MCPH1: variants seen among roughly 807,000 people sequenced by gnomAD.
The protein encoded by MCPH1 is microcephalin 1.
In MCPH1, 104 loss-of-function variants were observed where a neutral mutation model predicts 84.5. The ratio of observed to expected loss-of-function variants is 1.23; its 90% CI spans 1.05 to 1.45. MCPH1 has a LOEUF of 1.45. Ranked by LOEUF, MCPH1 falls within the 40% of genes most tolerant of loss-of-function variation. The pLI is 0.00. For missense variants in MCPH1, 1,498 were observed against 1,005.7 expected, an observed-to-expected ratio of 1.49 and a Z score of -6.62; for synonymous variants, 514 against 366.8, an observed-to-expected ratio of 1.40 and a Z score of -4.58.
chr8:6,584,246 G>T (rs184973865), intron 12 of MCPH1, among the ~76,000 whole-genome samples: 1 of 152,176 alleles, frequency 6.6e-6, no homozygotes, highest in Non-Finnish European at 1.5e-5. Context: ...GAAGGAAACC[G>T]TAAGTTCATC....
intron 4 of MCPH1, among the ~76,000 whole-genome samples, chr8:6,432,740 C>G (rs201084868): frequency 6.6e-6 from 1 of 152,198 alleles, no homozygotes; most frequent in Non-Finnish European, 1.5e-5. Context: ...TCATCTCAGA[C>G]AAGCCATAGT....
At chr8:6,519,276 A>T (rs1316745033) in intron 12 of MCPH1, among the ~76,000 whole-genome samples, 2 of 152,104 alleles carry the variant, frequency 1.3e-5, no homozygotes, top group Admixed American at 1.3e-4. Flanking sequence ...CGATGCTAAG[A>T]CACCACCGGT....
At position 6,541,966 on chromosome 8, in the gene MCPH1, C is replaced by T. The variant is rs551838084; in HGVS notation, c.2214+42037C>T. ...GAGGCTGCAGTGAGCCGTGATCGTG[C>T]CACTGCACTCCAGCCTGGGTGACAG... is the stretch of plus-strand genomic sequence containing the variant. On this transcript the variant is annotated intron_variant, in intron 12 of 13. Coordinates refer to ENST00000344683, the MANE Select transcript of MCPH1 (RefSeq NM_024596.5). 4.6e-5 allele frequency among the ~76,000 whole-genome samples: 7 copies of T among 151,098 alleles called. No homozygotes were observed. In the South Asian group the frequency reaches 1.5e-3, roughly 32 times the overall value.
chr8:6,417,281 G>C (rs1267132066), intron 3 of MCPH1, among the ~76,000 whole-genome samples: 2 of 152,188 alleles, frequency 1.3e-5, no homozygotes, highest in Admixed American at 1.3e-4. Flanking sequence ...TAAAGGGACA[G>C]ATAGTCAATA....
rs374809123 is a variant in MCPH1 at position 6,580,331 on chromosome 8, C to G, written c.2215-41123C>G. Among the ~76,000 whole-genome samples, 65 of 152,264 alleles carry G rather than the reference C, an allele frequency of 4.3e-4. No individual in the cohort carries two copies. The South Asian group carries it at 0.011, about 25-fold the overall frequency. ...GATGCTCACAATTCCCTGATACAGC[C>G]GGTTGCCCTTTGTTGTGTTAAACTG... On this transcript the variant is annotated intron_variant, in intron 12 of 13. Transcript: ENST00000344683.
chr8:6,559,855 A>C (rs1333356497), intron 12 of MCPH1, among the ~76,000 whole-genome samples: 1 of 152,218 alleles, frequency 6.6e-6, no homozygotes, highest in Non-Finnish European at 1.5e-5. Flanking sequence ...TGTGCTAGCG[A>C]TCATGAGTTT....
In MCPH1 at chr8:6,645,466, C is replaced by T. The variant is rs993359943; in HGVS notation, c.*2417C>T. 1 of 152,080 alleles carries T rather than the reference C, an allele frequency of 6.6e-6. No homozygotes were observed. Among genetic ancestry groups the T allele is most frequent in the Non-Finnish European group, 1.5e-5 (1 of 68,022 alleles). 9.4% of individuals were successfully genotyped at this position (152,080 alleles called of 1,614,324 possible). A position where few individuals can be genotyped will look rare whatever the true frequency, so the allele number is the denominator to read the frequency against. ...TTGTAAAGGCTTATGGCTCTCACCACTGTTATTCAACGTTGCATTAAAGTT... is the reference window on the plus strand; with the variant it reads ...TTGTAAAGGCTTATGGCTCTCACCATTGTTATTCAACGTTGCATTAAAGTT... On this transcript the variant is annotated 3_prime_UTR_variant, in exon 14 of 14. Transcript: ENST00000344683.
intron 12 of MCPH1, among the ~76,000 whole-genome samples, chr8:6,517,860 G>C (rs2442625): frequency 0.061 from 9,227 of 152,258 alleles, 312 homozygotes; most frequent in African/African-American, 0.079. Flanking sequence ...CTTAAGTCTG[G>C]AAGGGAATTT....
At chr8:6,568,954 A>G (rs913263919) in intron 12 of MCPH1, among the ~76,000 whole-genome samples, 31 of 152,126 alleles carry the variant, frequency 2.0e-4, no homozygotes, top group East Asian at 3.9e-4. Context: ...CTGGGACACT[A>G]TGTTTTGATT....
intron 11 of MCPH1, among the ~76,000 whole-genome samples, chr8:6,486,877 A>G (rs1809992000): frequency 6.6e-6 from 1 of 152,200 alleles, no homozygotes; most frequent in Non-Finnish European, 1.5e-5. Context: ...TGAACCTTTA[A>G]ATACTCTTTA....
chr8:6,530,637 T>A (rs1819316026), intron 12 of MCPH1, among the ~76,000 whole-genome samples: 1 of 152,198 alleles, frequency 6.6e-6, no homozygotes, highest in Non-Finnish European at 1.5e-5. Flanking sequence ...CTTCCTAAGA[T>A]TTAAATTTTT....
At chr8:6,453,872 A>T (rs1466099430) in intron 8 of MCPH1, among the ~76,000 whole-genome samples, 1 of 152,126 alleles carries the variant, frequency 6.6e-6, no homozygotes, top group African/African-American at 2.4e-5. Flanking sequence ...TGGATTCAGT[A>T]TTAGGGATTA....
At chr8:6,419,130 C>T (rs982464754) in intron 3 of MCPH1, among the ~76,000 whole-genome samples, 1 of 15,608 alleles carries the variant, frequency 6.4e-5, no homozygotes, top group Non-Finnish European at 3.2e-4. Flanking sequence ...TATACACATA[C>T]ACACACACAC....
intron 12 of MCPH1, among the ~76,000 whole-genome samples, chr8:6,572,405 C>G (rs879939071): frequency 1.3e-5 from 2 of 152,158 alleles, no homozygotes; most frequent in Non-Finnish European, 2.9e-5. Flanking sequence ...CTCACTAGCT[C>G]CCTCTGCTGA....
At chr8:6,465,939 CCATCCATG>C (rs758481880) in intron 9 of MCPH1, among the ~76,000 whole-genome samples, 1,177 of 113,534 alleles carry the variant, frequency 0.01, 16 homozygotes, top group African/African-American at 0.033. Flanking sequence ...ATCCATCCAT[CCATCCATG>C]CATCCATCCA....
chr8:6,479,537 C>T (rs1053053481), intron 10 of MCPH1, among the ~76,000 whole-genome samples: 1 of 151,904 alleles, frequency 6.6e-6, no homozygotes, highest in African/African-American at 2.4e-5. Flanking sequence ...CGGGTTCACG[C>T]CATTCTCCTG....
intron 13 of MCPH1, chr8:6,627,291 G>A (rs1376249173): frequency 7.1e-6 from 7 of 985,446 alleles, no homozygotes; most frequent in South Asian, 4.7e-5. Flanking sequence ...GTCGCAGAGA[G>A]GGGAGGCCAT....
intron 2 of MCPH1, among the ~76,000 whole-genome samples, chr8:6,413,500 A>C (rs577843249): frequency 6.6e-6 from 1 of 151,388 alleles, no homozygotes; most frequent in East Asian, 1.9e-4. Flanking sequence ...CATTTTGTGT[A>C]TTCCTGTATT....
chr8:6,475,721 G>T (rs947741848), intron 9 of MCPH1, among the ~76,000 whole-genome samples: 2 of 152,156 alleles, frequency 1.3e-5, no homozygotes, highest in Non-Finnish European at 2.9e-5. Context: ...TTTACTGGGG[G>T]CCAGGGCATT....
Sources: gnomAD v4.1 joint callset for allele counts (sites outside exome capture counted in the v4.1 genomes callset) on GRCh38, gnomAD v4.1.1 for gene constraint, MANE v1.5 for transcripts, NCBI Gene and HGNC (gene_info 2026-07-23, HGNC 2026-07-21) for gene names.